SLC12A4: variants seen among roughly 807,000 people sequenced by gnomAD.
The protein encoded by SLC12A4 is solute carrier family 12 member 4.
A neutral mutation model predicts 119.2 loss-of-function variants in SLC12A4; 84 were observed. The ratio of observed to expected loss-of-function variants is 0.70; its 90% CI spans 0.59 to 0.85. The LOEUF (loss-of-function observed/expected upper bound fraction) is 0.85. Among genes scored for constraint, SLC12A4 ranks in the 40% least tolerant of loss-of-function variants. The probability of loss-of-function intolerance (pLI) is 0.00; values close to 1 mark genes in which losing one functional copy is unlikely to be tolerated. For synonymous variants in SLC12A4, 599 were observed against 604.6 expected (o/e 0.99, Z 0.14); for missense variants, 1,298 against 1,476.3 (o/e 0.88, Z 1.98).
intron 6 of SLC12A4, 115 bp downstream of exon 6, chr16:67,954,528 A>C: frequency 7.6e-7 from 1 of 1,308,646 alleles, no homozygotes; most frequent in Non-Finnish European, 1.1e-6. Flanking sequence ...TTCCTACTTT[A>C]TAATACCCAG....
At chr16:67,968,384 G>A in intron 1 of SLC12A4, 55 bp downstream of exon 1, 1 of 1,462,330 alleles carries the variant, frequency 6.8e-7, no homozygotes, top group Non-Finnish European at 9.1e-7. Context: ...CGGGATGGCG[G>A]CCCCGGGTGG....
chr16:67,944,017 T>G lies in SLC12A4; in HGVS notation c.*823A>C. 6.5e-7 allele frequency: 1 copy of G among 1,547,726 alleles called. No homozygotes were observed. The highest frequency in any genetic ancestry group is 2.4e-5 in the East Asian group (1 of 40,848). ...GTGGTGTGCGGGGGGAAGAGCACAT[T>G]GAGGAGCCAGAAGGGGGCGGCAGGA... On this transcript the variant is annotated 3_prime_UTR_variant, in exon 24 of 24. Transcript: ENST00000316341. The surrounding 1 kb of genome is among the most constrained non-coding windows in gnomAD (Gnocchi z 6.6).
intron 1 of SLC12A4, chr16:67,964,047 G>A (rs977656956): frequency 1.9e-6 from 3 of 1,550,406 alleles, no homozygotes; most frequent in Admixed American, 2.0e-5. Flanking sequence ...GTGGCCGGCT[G>A]GCTACCCCAC....
Position 67,943,632 on chromosome 16 carries a change from G to A in SLC12A4, c.*1208C>T. 1.9e-6 allele frequency: 1 copy of A among 518,510 alleles called. No individual in the cohort carries two copies. Among genetic ancestry groups the A allele is most frequent in the Non-Finnish European group, 3.5e-6 (1 of 286,692 alleles). 32.1% of individuals were successfully genotyped at this position (518,510 alleles called of 1,614,324 possible). ...TCCTTGGTGGGTGGGGGCCAAGGAA[G>A]GAGTGGTGGGGCTTGGCCCAGAGTC... On this transcript the variant is annotated 3_prime_UTR_variant, in exon 24 of 24. Transcript: ENST00000316341. The surrounding 1 kb of genome is among the most constrained non-coding windows in gnomAD (Gnocchi z 4.6).
At position 67,944,212 on chromosome 16, in the gene SLC12A4, T is replaced by C. The variant is rs1416815326; in HGVS notation, c.*628A>G. On this transcript the variant is annotated 3_prime_UTR_variant, in exon 24 of 24. Transcript: ENST00000316341. The surrounding 1 kb of genome is among the most constrained non-coding windows in gnomAD (Gnocchi z 6.6). ...GGAGGGACGGCCTGGCCAGTGGGGG[T>C]TGTGGCCAGAGATTGCCGGAAAGGG... is the stretch of plus-strand genomic sequence containing the variant. 2.0e-6 allele frequency: 3 copies of C among 1,463,888 alleles called. No individual in the cohort carries two copies. Among genetic ancestry groups the C allele is most frequent in the African/African-American group, 1.4e-5 (1 of 70,898 alleles). The allele number at this position is 1,463,888 out of a possible 1,614,324, so 90.7% of individuals were successfully genotyped here.
rs565694574 is a variant in SLC12A4, at chr16:67,944,295, C to T, written c.*545G>A. ...GTTCAGTTCCGCCTTCTTCTCTTGG[C>T]GCCAGGGGAAACAGAGCCGGGGCAG... On this transcript the variant is annotated 3_prime_UTR_variant, in exon 24 of 24. Transcript: ENST00000316341. The surrounding 1 kb of genome is among the most constrained non-coding windows in gnomAD (Gnocchi z 6.6). 27 of 1,409,942 alleles carry T rather than the reference C, an allele frequency of 1.9e-5. No individual in the cohort carries two copies. Among genetic ancestry groups the T allele is most frequent in the South Asian group, 1.3e-4 (8 of 62,614 alleles). The allele number at this position is 1,409,942 out of a possible 1,614,324, so 87.3% of individuals were successfully genotyped here.
In SLC12A4 at chr16:67,944,618, T is replaced by C. The variant is rs753349939; in HGVS notation, c.*222A>G. 3.7e-5 allele frequency: 52 copies of C among 1,403,298 alleles called. No individual in the cohort carries two copies. The Middle Eastern group carries it at 7.9e-4, about 21-fold the overall frequency. 86.9% of individuals were successfully genotyped at this position (1,403,298 alleles called of 1,614,324 possible). A position where few individuals can be genotyped will look rare whatever the true frequency, so the allele number is the denominator to read the frequency against. ...AGGACAGGCCTACTGGGGTGCTAGATAGTAAAGTCCCCAAACATCCCAGGG... is the reference window on the plus strand; with the variant it reads ...AGGACAGGCCTACTGGGGTGCTAGACAGTAAAGTCCCCAAACATCCCAGGG... On this transcript the variant is annotated 3_prime_UTR_variant, in exon 24 of 24. Transcript: ENST00000316341. The surrounding 1 kb of genome is among the most constrained non-coding windows in gnomAD (Gnocchi z 6.6).
At chr16:67,946,772 G>A (rs942219725) in intron 17 of SLC12A4, 139 bp from the exon 18 acceptor site, 1 of 1,255,040 alleles carries the variant, frequency 8.0e-7, no homozygotes, top group African/African-American at 1.5e-5. Flanking sequence ...CAGAGGCCAA[G>A]TTTTCAAGAT....
Position 67,947,046 on chromosome 16 carries a change from AGCCGCGG to A in SLC12A4, c.2125_2131del (p.Pro709SerfsTer14), listed in dbSNP as rs1291838509. 6.2e-7 allele frequency: 1 copy of A among 1,612,220 alleles called. No homozygotes were observed. The highest frequency in any genetic ancestry group is 8.5e-7 in the Non-Finnish European group (1 of 1,179,924). On this transcript the variant is annotated frameshift_variant, in exon 17 of 24. Transcript: ENST00000316341. LOFTEE classifies it high-confidence loss of function. Reference sequence around the variant, plus strand: ...CTTGAGCTGGGAGGCGAAGGTGAGGAGCCGCGGGTACTTCACGTGGAGGTCCTCGTCC... The same window carrying A: ...CTTGAGCTGGGAGGCGAAGGTGAGGAGTACTTCACGTGGAGGTCCTCGTCC...
Position 67,961,888 on chromosome 16 carries a change from G to A in SLC12A4, c.211-182C>T, listed in dbSNP as rs548471953. ...AGGTGTGCACACCACACCCCAGCAC[G>A]TGGCACTCAAAGGCCCAGCCCCGCG... On this transcript the variant is annotated intron_variant, in intron 2 of 23. Coordinates refer to ENST00000316341, the MANE Select transcript of SLC12A4 (RefSeq NM_005072.5). 1.7e-3 allele frequency among the ~76,000 whole-genome samples: 257 copies of A among 152,314 alleles called. 2 individuals carry two copies. The highest frequency in any genetic ancestry group is 5.4e-3 in the African/African-American group (224 of 41,578).
rs1054488685 is a variant in SLC12A4 at position 67,963,885 on chromosome 16, A to C, written c.116-326T>G. On this transcript the variant is annotated intron_variant, in intron 1 of 23. Transcript: ENST00000316341. ...CGGGGCCAGCGTTTGACCCGCCCCC[A>C]GATCGCCTCCACGCCCCAGTCCCTT... is the stretch of plus-strand genomic sequence containing the variant. The C allele has an allele frequency of 3.2e-6, 5 of 1,541,882 alleles. No individual in the cohort carries two copies. In the African/African-American group the frequency reaches 5.8e-5, roughly 18 times the overall value.
Position 67,946,515 on chromosome 16 carries a change from CG to C in SLC12A4, c.2359del (p.Arg787GlyfsTer60). The C allele has an allele frequency of 6.2e-7, 1 of 1,610,190 alleles. No individual in the cohort carries two copies. Among genetic ancestry groups the C allele is most frequent in the Non-Finnish European group, 8.5e-7 (1 of 1,180,004 alleles). ...CCAGCCCAGCACCACGGAGTTATGCCGCATGCCTCCCAGGCCACAGGACTGG... is the reference window on the plus strand; with the variant it reads ...CCAGCCCAGCACCACGGAGTTATGCCCATGCCTCCCAGGCCACAGGACTGG... The part of the protein sequence containing the change: ...LIQSCGLGGM[R>X]HNSVVLGWPY... On this transcript the variant is annotated frameshift_variant, in exon 18 of 24. Coordinates refer to ENST00000316341, the MANE Select transcript of SLC12A4 (RefSeq NM_005072.5). LOFTEE classifies it high-confidence loss of function.
chr16:67,965,830 C>T (rs1272579332), intron 1 of SLC12A4, among the ~76,000 whole-genome samples: 2 of 152,146 alleles, frequency 1.3e-5, no homozygotes, highest in African/African-American at 4.8e-5. Context: ...AGAGCATTTA[C>T]TACCTTTTAG....
At chr16:67,958,861 G>A (rs1315563094) in intron 3 of SLC12A4, among the ~76,000 whole-genome samples, 1 of 152,134 alleles carries the variant, frequency 6.6e-6, no homozygotes, top group East Asian at 1.9e-4. Flanking sequence ...GATGTCCGAA[G>A]GTTGCCTCAG....
chr16:67,951,359 T>G lies in SLC12A4; in HGVS notation c.1133-55A>C, dbSNP rs916938488. 22 of 1,570,890 alleles carry G rather than the reference T, an allele frequency of 1.4e-5. No homozygotes were observed. In the African/African-American group the frequency reaches 2.9e-4, roughly 20 times the overall value. On this transcript the variant is annotated intron_variant, in intron 8 of 23. Coordinates refer to ENST00000316341, the MANE Select transcript of SLC12A4 (RefSeq NM_005072.5). The surrounding 1 kb of genome is among the most constrained non-coding windows in gnomAD (Gnocchi z 5.2). ...CTGCCCCCCACTACCCCAGGTAGTT[T>G]GGGGCAGCCTAGCCAGAGGCGCAGA...
In SLC12A4 at chr16:67,943,760, C is replaced by G. The variant is rs909020010; in HGVS notation, c.*1080G>C. On this transcript the variant is annotated 3_prime_UTR_variant, in exon 24 of 24. Coordinates refer to ENST00000316341, the MANE Select transcript of SLC12A4 (RefSeq NM_005072.5). The surrounding 1 kb of genome is among the most constrained non-coding windows in gnomAD (Gnocchi z 4.6). ...CCCTGGGTTAGACAACTGAGAGTCACAGTGTGGTGGGAGAAGGGACGTCAT... is the reference window on the plus strand; with the variant it reads ...CCCTGGGTTAGACAACTGAGAGTCAGAGTGTGGTGGGAGAAGGGACGTCAT... 57 of 613,424 alleles carry G rather than the reference C, an allele frequency of 9.3e-5. No individual in the cohort carries two copies. Among genetic ancestry groups the G allele is most frequent in the Middle Eastern group, 4.4e-4 (1 of 2,288 alleles). 38.0% of individuals were successfully genotyped at this position (613,424 alleles called of 1,614,324 possible). A position where few individuals can be genotyped will look rare whatever the true frequency, so the allele number is the denominator to read the frequency against.
chr16:67,964,907 C>A (rs1223689373), intron 1 of SLC12A4, among the ~76,000 whole-genome samples: 2 of 152,250 alleles, frequency 1.3e-5, no homozygotes, highest in African/African-American at 2.4e-5. Context: ...GCTGTGGATT[C>A]TTTATCCCCC....
chr16:67,958,173 GCTAGGATGT>G, intron 3 of SLC12A4, 129 bp from the exon 4 acceptor site: 1 of 851,056 alleles, frequency 1.2e-6, no homozygotes. Context: ...AGGGGTGACA[GCTAGGATGT>G]CTCTATTGAC....
Position 67,944,865 on chromosome 16 carries a change from C to T in SLC12A4, c.3233G>A (p.Arg1078His), listed in dbSNP as rs772004544. The change falls in exon 24 of 24, where the codon CGT becomes CAT. Residue 1078 changes from arginine (R) to histidine (H), a missense_variant. By Grantham distance (29) the Arg-to-His change is conservative (BLOSUM62 0). Transcript: ENST00000316341. This position sits in a 1 kb window ranked among gnomAD's most constrained non-coding sequence, Gnocchi z 6.6. ...ERVLLVRGGGREVITIYS is the reference protein window; with the variant it reads ...ERVLLVRGGGHEVITIYS ...TCAGGAGTAGATGGTGATGACTTCA[C>T]GGCCACCACCGCGCACCAACAGCAC... 1.2e-5 allele frequency: 19 copies of T among 1,612,986 alleles called. 1 individual carries two copies. Among genetic ancestry groups the T allele is most frequent in the Admixed American group, 1.7e-5 (1 of 59,990 alleles).
Sources: allele counts gnomAD v4.1 joint callset (sites outside exome capture counted in the v4.1 genomes callset), GRCh38; gene constraint gnomAD v4.1.1; non-coding constraint Gnocchi (gnomAD v3.1); transcripts MANE v1.5; gene names NCBI Gene and HGNC (gene_info 2026-07-23, HGNC 2026-07-21).